MYO10: variants seen among roughly 807,000 people sequenced by gnomAD.
MYO10 encodes the protein unconventional myosin-X.
In MYO10, 133 loss-of-function variants were observed where a neutral mutation model predicts 257.3. That is an observed-to-expected ratio of 0.52 (90% CI 0.45 to 0.60). The LOEUF is 0.60. Ranked by LOEUF, MYO10 falls within the 20% of genes least tolerant of loss-of-function variation. The pLI, the probability that MYO10 is intolerant of heterozygous loss-of-function variation, is 0.00. For synonymous variants in MYO10, 1,104 were observed against 1,028.6 expected (o/e 1.07, Z -1.40); for missense variants, 2,399 against 2,635.7 (o/e 0.91, Z 1.97).
At chr5:16,777,280 C>T (rs559708170) in intron 9 of MYO10, among the ~76,000 whole-genome samples, 5 of 152,282 alleles carry the variant, frequency 3.3e-5, no homozygotes, top group Non-Finnish European at 7.4e-5. Flanking sequence ...AGAAACCGCT[C>T]TGCATTATAA....
At chr5:16,892,534 T>G (rs1454007499) in intron 1 of MYO10, among the ~76,000 whole-genome samples, 2 of 152,074 alleles carry the variant, frequency 1.3e-5, no homozygotes, top group Admixed American at 1.3e-4. Context: ...TCCAAGCTAC[T>G]TGGAAGGTTG....
At chr5:16,778,828 C>T (rs1741312781) in intron 9 of MYO10, among the ~76,000 whole-genome samples, 1 of 151,504 alleles carries the variant, frequency 6.6e-6, no homozygotes, top group Non-Finnish European at 1.5e-5. Context: ...GTAGCTGGGA[C>T]TATAGGCGCC....
intron 1 of MYO10, among the ~76,000 whole-genome samples, chr5:16,929,242 T>C (rs1052767274): frequency 6.6e-6 from 1 of 152,090 alleles, no homozygotes; most frequent in Non-Finnish European, 1.5e-5. Flanking sequence ...CATGAGCCAC[T>C]GCACCCGGCC....
intron 9 of MYO10, among the ~76,000 whole-genome samples, chr5:16,777,122 T>C (rs1741242902): frequency 6.6e-6 from 1 of 152,046 alleles, no homozygotes; most frequent in Admixed American, 6.6e-5. Context: ...CAATATAAAA[T>C]TGGAAAAGAT....
In MYO10 at chr5:16,796,412, G is replaced by GAA. The variant is rs1378588678; in HGVS notation, c.280-1581_280-1580dup. ...AACACAACACAAAAGAAAAAGAAAGGAAAGAAAGGAAAAAGAAAGAAAAGA... is the reference window on the plus strand; with the variant it reads ...AACACAACACAAAAGAAAAAGAAAGGAAAAAGAAAGGAAAAAGAAAGAAAAGA... On this transcript the variant is annotated intron_variant, in intron 3 of 40. Coordinates refer to ENST00000513610, the MANE Select transcript of MYO10 (RefSeq NM_012334.3). Among the ~76,000 whole-genome samples, 887 of 104,876 alleles carry GAA rather than the reference G, an allele frequency of 8.5e-3. 9 individuals are homozygous for GAA. Among genetic ancestry groups the GAA allele is most frequent in the African/African-American group, 0.031 (849 of 27,194 alleles). The allele number at this position is 104,876 out of a possible 152,430, so 68.8% of individuals were successfully genotyped here.
chr5:16,717,589 AAAG>A (rs1561206222), intron 19 of MYO10, among the ~76,000 whole-genome samples: 1 of 152,240 alleles, frequency 6.6e-6, no homozygotes, highest in African/African-American at 2.4e-5. Flanking sequence ...ACTAGAGAAT[AAAG>A]AAGAGCTTTT....
At chr5:16,695,306 C>A (rs1737693235) in intron 26 of MYO10, among the ~76,000 whole-genome samples, 1 of 152,134 alleles carries the variant, frequency 6.6e-6, no homozygotes, top group Admixed American at 6.5e-5. Context: ...TAGACTCCAG[C>A]CTGGGTGACA....
At chr5:16,786,917 C>G (rs1156388051) in intron 4 of MYO10, among the ~76,000 whole-genome samples, 1 of 152,018 alleles carries the variant, frequency 6.6e-6, no homozygotes, top group African/African-American at 2.4e-5. Flanking sequence ...ATCTGTAATC[C>G]TACCACTTTG....
chr5:16,703,287 C>T, intron 22 of MYO10, 129 bp from the exon 23 acceptor site: 1 of 689,804 alleles, frequency 1.4e-6, no homozygotes, highest in South Asian at 2.0e-5. Context: ...ATTATGGAAA[C>T]TGGAGAGAAC....
intron 19 of MYO10, among the ~76,000 whole-genome samples, chr5:16,737,482 A>C (rs1165665951): frequency 6.6e-6 from 1 of 152,248 alleles, no homozygotes; most frequent in East Asian, 1.9e-4. Context: ...ATAGACATTT[A>C]ACTGAATGAC....
chr5:16,702,087 T>C (rs1482101067), intron 24 of MYO10, among the ~76,000 whole-genome samples: 1 of 152,134 alleles, frequency 6.6e-6, no homozygotes, highest in Non-Finnish European at 1.5e-5. Flanking sequence ...TGGTGTCCTT[T>C]TGGGAACAGG....
chr5:16,809,531 G>A (rs1222293769), intron 3 of MYO10, among the ~76,000 whole-genome samples: 1 of 152,172 alleles, frequency 6.6e-6, no homozygotes, highest in East Asian at 1.9e-4. Flanking sequence ...CTGTTCAACC[G>A]GCTGCTAAAA....
chr5:16,701,911 C>T lies in MYO10; in HGVS notation c.2557-73G>A. The T allele has an allele frequency of 6.7e-7, 1 of 1,495,928 alleles. No individual in the cohort carries two copies. The highest frequency in any genetic ancestry group is 8.9e-7 in the Non-Finnish European group (1 of 1,121,312). The allele number at this position is 1,495,928 out of a possible 1,614,324, so 92.7% of individuals were successfully genotyped here. On this transcript the variant is annotated intron_variant, in intron 24 of 40. Transcript: ENST00000513610. This position sits in a 1 kb window ranked among gnomAD's most constrained non-coding sequence, Gnocchi z 8.1. The stretch of plus-strand genomic sequence containing the variant: ...CCAAGCATAGCTCCCGCTTTGCAAC[C>T]AGGATGAAATATGGTCATTATGAGT...
chr5:16,732,640 C>G (rs983093550), intron 19 of MYO10, among the ~76,000 whole-genome samples: 1 of 152,162 alleles, frequency 6.6e-6, no homozygotes, highest in African/African-American at 2.4e-5. Context: ...AGCTGTGAAA[C>G]TCACTAAAGC....
chr5:16,930,660 A>G (rs560890154), intron 1 of MYO10, among the ~76,000 whole-genome samples: 13 of 152,284 alleles, frequency 8.5e-5, no homozygotes, highest in Admixed American at 7.2e-4. Context: ...TTACTCACCT[A>G]CTATGTGCCA....
At chr5:16,882,591 A>T (rs1466863156) in intron 1 of MYO10, among the ~76,000 whole-genome samples, 1 of 152,204 alleles carries the variant, frequency 6.6e-6, no homozygotes. Flanking sequence ...AAAATCACTG[A>T]TACATTCACC....
At chr5:16,847,644 C>T (rs781217900) in intron 2 of MYO10, among the ~76,000 whole-genome samples, 2 of 151,926 alleles carry the variant, frequency 1.3e-5, no homozygotes, top group Admixed American at 1.3e-4. Context: ...GTGGGAGGAT[C>T]GCTTGAGCTT....
chr5:16,919,599 T>C (rs1745924416), intron 1 of MYO10, among the ~76,000 whole-genome samples: 3 of 152,180 alleles, frequency 2.0e-5, no homozygotes, highest in African/African-American at 7.2e-5. Context: ...GCAGATTAAA[T>C]GAATTAATAC....
At chr5:16,917,959 A>C (rs774318044) in intron 1 of MYO10, among the ~76,000 whole-genome samples, 37 of 152,206 alleles carry the variant, frequency 2.4e-4, no homozygotes, top group Non-Finnish European at 4.9e-4. Flanking sequence ...ATTTCTGCTG[A>C]TCTAACCATG....
Sources: allele counts gnomAD v4.1 joint callset (sites outside exome capture counted in the v4.1 genomes callset), GRCh38; gene constraint gnomAD v4.1.1; non-coding constraint Gnocchi (gnomAD v3.1); transcripts MANE v1.5; gene names NCBI Gene and HGNC (gene_info 2026-07-23, HGNC 2026-07-21).